The following TOX2 variants were observed in gnomAD, a reference collection of about 807,000 sequenced individuals.
TOX2 encodes the protein granulosa cell HMG box 1.
In TOX2, 15 loss-of-function variants were observed where a neutral mutation model predicts 47.4. The ratio of observed to expected loss-of-function variants is 0.32; its 90% CI spans 0.21 to 0.49. The LOEUF is 0.49. TOX2 is among the 20% of genes least tolerant of loss of function. The probability of loss-of-function intolerance (pLI) is 0.99; values close to 1 mark genes in which losing one functional copy is unlikely to be tolerated. For missense variants in TOX2, 622 were observed against 673.1 expected (o/e 0.92, Z 0.84); for synonymous variants, 290 against 296.6 (o/e 0.98, Z 0.23).
intron 2 of TOX2, among the ~76,000 whole-genome samples, chr20:44,001,168 A>G (rs2070575351): frequency 6.6e-6 from 1 of 152,232 alleles, no homozygotes; most frequent in Admixed American, 6.5e-5. Flanking sequence ...AGAGAAAATT[A>G]GGCACCATGG....
intron 1 of TOX2, among the ~76,000 whole-genome samples, chr20:43,920,491 A>G (rs2069101651): frequency 6.6e-6 from 1 of 152,132 alleles, no homozygotes; most frequent in Non-Finnish European, 1.5e-5. Flanking sequence ...TAGAGCTGAG[A>G]TGGCTGGTCC....
At chr20:44,056,199 C>A (rs1399958003) in intron 5 of TOX2, among the ~76,000 whole-genome samples, 1 of 152,246 alleles carries the variant, frequency 6.6e-6, no homozygotes, top group South Asian at 2.1e-4. Flanking sequence ...TTCTGCAGCA[C>A]CCCTGGCCTG....
rs59829203 is a variant in TOX2 at position 43,951,707 on chromosome 20, G to GTTTTTTTTTTTTTTTT, written c.100-21654_100-21639dup. Among the ~76,000 whole-genome samples, 54 of 55,082 alleles carry GTTTTTTTTTTTTTTTT rather than the reference G, an allele frequency of 9.8e-4. 9 individuals are homozygous for GTTTTTTTTTTTTTTTT. The highest frequency in any genetic ancestry group is 1.4e-3 in the African/African-American group (26 of 18,508). 36.1% of individuals were successfully genotyped at this position (55,082 alleles called of 152,430 possible). A position where few individuals can be genotyped will look rare whatever the true frequency, so the allele number is the denominator to read the frequency against. ...TGACCATTACTATTAAACTTATTAT[G>GTTTTTTTTTTTTTTTT]TTTTTTTTTTTTTTTTTTTTTAGAG... On this transcript the variant is annotated intron_variant, in intron 1 of 8. Transcript: ENST00000341197.
intron 1 of TOX2, among the ~76,000 whole-genome samples, chr20:43,943,031 G>A (rs746098170): frequency 5.3e-5 from 8 of 152,168 alleles, no homozygotes; most frequent in South Asian, 2.1e-4. Flanking sequence ...TTATTGCAAC[G>A]GCAAGAGCAC....
intron 1 of TOX2, among the ~76,000 whole-genome samples, chr20:43,950,611 A>G (rs1232210472): frequency 6.6e-6 from 1 of 151,388 alleles, no homozygotes; most frequent in African/African-American, 2.4e-5. Context: ...TCCCCAACAC[A>G]TCTACTTGGC....
intron 3 of TOX2, among the ~76,000 whole-genome samples, chr20:44,039,695 T>C (rs2071301042): frequency 6.6e-6 from 1 of 152,226 alleles, no homozygotes; most frequent in African/African-American, 2.4e-5. Context: ...GTGGACCCTC[T>C]GAAAGACTTG....
chr20:44,029,339 G>A (rs141965388), intron 3 of TOX2, among the ~76,000 whole-genome samples: 8 of 152,320 alleles, frequency 5.3e-5, no homozygotes, highest in East Asian at 3.9e-4. Context: ...CTCTGTAACC[G>A]TGGGTAAGAG....
At position 43,915,193 on chromosome 20, in the gene TOX2, G is replaced by A. The variant is rs546540422; in HGVS notation, c.99+203G>A. ...GCAGAAGTCATCCCGACAGCCACCCGTGCGACGACACAGTGGCCCCTCACT... is the reference window on the plus strand; with the variant it reads ...GCAGAAGTCATCCCGACAGCCACCCATGCGACGACACAGTGGCCCCTCACT... On this transcript the variant is annotated intron_variant, in intron 1 of 8. Coordinates refer to ENST00000341197, the MANE Select transcript of TOX2 (RefSeq NM_001098797.2). The surrounding 1 kb of genome is among the most constrained non-coding windows in gnomAD (Gnocchi z 7.1). Among the ~76,000 whole-genome samples the A allele has an allele frequency of 6.6e-6, 1 of 152,148 alleles. No individual in the cohort carries two copies. The highest frequency in any genetic ancestry group is 6.5e-5 in the Admixed American group (1 of 15,286).
intron 3 of TOX2, among the ~76,000 whole-genome samples, chr20:44,040,389 TG>T (rs1040032140): frequency 1.3e-5 from 2 of 151,954 alleles, no homozygotes; most frequent in African/African-American, 4.8e-5. Context: ...AGTCAAGCAC[TG>T]GGCCCTGGAG....
At chr20:43,977,536 G>A (rs1179729569) in intron 2 of TOX2, among the ~76,000 whole-genome samples, 1 of 152,008 alleles carries the variant, frequency 6.6e-6, no homozygotes, top group Non-Finnish European at 1.5e-5. Flanking sequence ...AGCTGACTGT[G>A]TCCCTTTTTG....
At chr20:43,962,386 G>A (rs1388754501) in intron 1 of TOX2, among the ~76,000 whole-genome samples, 1 of 152,306 alleles carries the variant, frequency 6.6e-6, no homozygotes, top group South Asian at 2.1e-4. Flanking sequence ...TGAGATCTGC[G>A]ATCCAGCCAA....
intron 3 of TOX2, among the ~76,000 whole-genome samples, chr20:44,020,530 G>A (rs2070958888): frequency 6.6e-6 from 1 of 152,222 alleles, no homozygotes. Flanking sequence ...CGAGAAAGGG[G>A]CAGGTGTGTG....
chr20:44,020,420 A>G (rs1374768397), intron 3 of TOX2, among the ~76,000 whole-genome samples: 1 of 152,248 alleles, frequency 6.6e-6, no homozygotes, highest in Non-Finnish European at 1.5e-5. Flanking sequence ...TACCTATGTA[A>G]CAAACCTGCA....
intron 3 of TOX2, among the ~76,000 whole-genome samples, chr20:44,009,128 A>G (rs559126795): frequency 7.9e-5 from 12 of 152,242 alleles, no homozygotes; most frequent in Non-Finnish European, 1.3e-4. Flanking sequence ...TTCAGAAGCC[A>G]CAGTCGAATT....
chr20:44,017,377 C>A (rs1296838809), intron 3 of TOX2, among the ~76,000 whole-genome samples: 1 of 152,138 alleles, frequency 6.6e-6, no homozygotes, highest in Non-Finnish European at 1.5e-5. Flanking sequence ...GAACAGTGGC[C>A]GTGATTTCAG....
intron 3 of TOX2, among the ~76,000 whole-genome samples, chr20:44,018,986 C>T (rs368077968): frequency 1.3e-5 from 2 of 152,172 alleles, no homozygotes; most frequent in East Asian, 3.9e-4. Context: ...CTGATGCTGT[C>T]TACTCCACAG....
At chr20:43,973,282 C>A in intron 1 of TOX2, 85 bp from the exon 2 acceptor site, 1 of 1,362,272 alleles carries the variant, frequency 7.3e-7, no homozygotes, top group Non-Finnish European at 1.0e-6. Flanking sequence ...TGCAGTCAGT[C>A]CCCTGCCCTC....
At chr20:44,026,228 G>GATATATATATATAGATAGATATAT (rs1555842269) in intron 3 of TOX2, among the ~76,000 whole-genome samples, 1 of 60,244 alleles carries the variant, frequency 1.7e-5, no homozygotes, top group Non-Finnish European at 3.1e-5. Flanking sequence ...AAGAAACTGT[G>GATATATATATATAGATAGATATAT]ATATATATAT....
chr20:44,012,391 G>A (rs1409602860), intron 3 of TOX2, among the ~76,000 whole-genome samples: 1 of 152,108 alleles, frequency 6.6e-6, no homozygotes, highest in African/African-American at 2.4e-5. Flanking sequence ...GGAGAGCCTC[G>A]GGCAGATGGA....
Sources: gnomAD v4.1 joint callset for allele counts (sites outside exome capture counted in the v4.1 genomes callset) on GRCh38, gnomAD v4.1.1 for gene constraint, Gnocchi (gnomAD v3.1) non-coding constraint, MANE v1.5 for transcripts, NCBI Gene and HGNC (gene_info 2026-07-23, HGNC 2026-07-21) for gene names.